The following MAML3 variants were observed in gnomAD, a reference collection of about 807,000 sequenced individuals.
The protein encoded by MAML3 is mastermind-like protein 3.
In MAML3, 27 loss-of-function variants were observed where a neutral mutation model predicts 101.9. The ratio of observed to expected loss-of-function variants is 0.27; its 90% confidence interval spans 0.20 to 0.37. MAML3 has a LOEUF of 0.37. Among genes scored for constraint, MAML3 ranks in the 10% least tolerant of loss-of-function variants. The pLI is 1.00. For missense variants in MAML3, 1,316 were observed against 1,444.9 expected (o/e 0.91, Z 1.45); for synonymous variants, 501 against 555.9 (o/e 0.90, Z 1.39).
rs184427011 is a variant in MAML3, at chr4:139,807,876, T to C, written c.2080-77209A>G. Reference sequence around the variant, plus strand: ...AGCCCATACATGATACACTCCAAATTTGATATATTTTCTTATCAAACAAAA... The same window carrying C: ...AGCCCATACATGATACACTCCAAATCTGATATATTTTCTTATCAAACAAAA... On this transcript the variant is annotated intron_variant, in intron 2 of 4. Coordinates refer to ENST00000509479, the MANE Select transcript of MAML3 (RefSeq NM_018717.5). Among the ~76,000 whole-genome samples, 6 of 152,288 alleles carry C rather than the reference T, an allele frequency of 3.9e-5. No individual in the cohort carries two copies. In the East Asian group the frequency reaches 1.2e-3, roughly 29 times the overall value.
intron 1 of MAML3, among the ~76,000 whole-genome samples, chr4:140,120,218 CAG>C (rs1317933098): frequency 3.3e-5 from 4 of 122,100 alleles, no homozygotes; most frequent in Non-Finnish European, 6.4e-5. Flanking sequence ...GCCTGGGCGA[CAG>C]AGCGAGACTC....
chr4:139,798,056 G>A (rs1459519609), intron 2 of MAML3, among the ~76,000 whole-genome samples: 33 of 134,326 alleles, frequency 2.5e-4, no homozygotes, highest in Non-Finnish European at 7.7e-5. Context: ...AAGAAAGAAA[G>A]AAAGAAAGAA....
intron 1 of MAML3, among the ~76,000 whole-genome samples, chr4:139,949,490 T>C (rs1733796495): frequency 6.6e-6 from 1 of 152,198 alleles, no homozygotes; most frequent in Admixed American, 6.5e-5. Flanking sequence ...CCACGTACAA[T>C]CTGTCACAAA....
intron 2 of MAML3, among the ~76,000 whole-genome samples, chr4:139,875,464 G>A (rs897729529): frequency 3.9e-5 from 6 of 152,126 alleles, no homozygotes; most frequent in Admixed American, 2.0e-4. Flanking sequence ...TCATGTTCAC[G>A]TGGAGCTAAG....
At chr4:139,834,043 C>T (rs188368952) in intron 2 of MAML3, among the ~76,000 whole-genome samples, 1 of 152,298 alleles carries the variant, frequency 6.6e-6, no homozygotes, top group East Asian at 1.9e-4. Flanking sequence ...GACATTAAAA[C>T]TTTATCCTAA....
chr4:139,905,751 C>T (rs1732813168), intron 1 of MAML3, among the ~76,000 whole-genome samples: 1 of 152,104 alleles, frequency 6.6e-6, no homozygotes, highest in African/African-American at 2.4e-5. Context: ...AACAGTCTTC[C>T]CTCTGTCAGC....
intron 2 of MAML3, among the ~76,000 whole-genome samples, chr4:139,855,135 T>C (rs1019929130): frequency 4.6e-5 from 7 of 152,216 alleles, no homozygotes; most frequent in African/African-American, 9.7e-5. Context: ...CTGCAGTTTC[T>C]AGGAGATTCA....
At chr4:140,045,025 T>C (rs184876672) in intron 1 of MAML3, among the ~76,000 whole-genome samples, 1 of 152,300 alleles carries the variant, frequency 6.6e-6, no homozygotes, top group East Asian at 1.9e-4. Flanking sequence ...CAAAATATCA[T>C]CACAGAGAGA....
At chr4:140,151,241 G>A (rs369344655) in intron 1 of MAML3, among the ~76,000 whole-genome samples, 16 of 152,076 alleles carry the variant, frequency 1.1e-4, no homozygotes, top group Admixed American at 3.9e-4. Context: ...AGAGGAGGAG[G>A]GAAGGTGCTG....
intron 1 of MAML3, among the ~76,000 whole-genome samples, chr4:140,127,277 GC>G (rs887242100): frequency 5.9e-5 from 9 of 152,180 alleles, no homozygotes; most frequent in Non-Finnish European, 1.2e-4. Context: ...CATCCATGGA[GC>G]CCTCAGGTTC....
intron 1 of MAML3, among the ~76,000 whole-genome samples, chr4:140,001,041 AAAAAG>A (rs903678028): frequency 9.9e-5 from 15 of 152,230 alleles, no homozygotes; most frequent in Non-Finnish European, 1.5e-4. Flanking sequence ...AAAAAAGAAA[AAAAAG>A]AAAAGAAAAG....
chr4:139,878,393 G>GT (rs1386752625), intron 2 of MAML3, among the ~76,000 whole-genome samples: 22 of 152,234 alleles, frequency 1.4e-4, no homozygotes, highest in African/African-American at 5.3e-4. Context: ...TCCCTGACCA[G>GT]ACTGCACATT....
At chr4:140,030,035 G>T (rs1726883260) in intron 1 of MAML3, among the ~76,000 whole-genome samples, 1 of 152,040 alleles carries the variant, frequency 6.6e-6, no homozygotes, top group Non-Finnish European at 1.5e-5. Context: ...AGGAAGAAAC[G>T]AAAAGGATGA....
At chr4:140,140,347 TTAAAA>T (rs1728960550) in intron 1 of MAML3, among the ~76,000 whole-genome samples, 1 of 151,994 alleles carries the variant, frequency 6.6e-6, no homozygotes, top group South Asian at 2.1e-4. Context: ...AAAATTAAAA[TTAAAA>T]TAAAAAAGAA....
chr4:139,795,560 A>G (rs182075907), intron 2 of MAML3, among the ~76,000 whole-genome samples: 1 of 152,280 alleles, frequency 6.6e-6, no homozygotes, highest in African/African-American at 2.4e-5. Flanking sequence ...GTGTTCTTTT[A>G]TGGGAGTGGA....
intron 2 of MAML3, among the ~76,000 whole-genome samples, chr4:139,757,541 TG>T (rs1729677365): frequency 6.8e-6 from 1 of 146,274 alleles, no homozygotes; most frequent in South Asian, 2.1e-4. Flanking sequence ...TCCCAGCTAC[TG>T]GGGAAGCTGA....
At chr4:139,778,870 C>T (rs1730142973) in intron 2 of MAML3, among the ~76,000 whole-genome samples, 1 of 151,660 alleles carries the variant, frequency 6.6e-6, no homozygotes, top group African/African-American at 2.4e-5. Flanking sequence ...GTAGTCCCAG[C>T]TACTTGGGAG....
At chr4:140,151,461 C>T (rs1341190516) in intron 1 of MAML3, among the ~76,000 whole-genome samples, 1 of 152,050 alleles carries the variant, frequency 6.6e-6, no homozygotes, top group Non-Finnish European at 1.5e-5. Context: ...AGCGCCGGCC[C>T]GAGCCCCCGG....
At chr4:139,830,096 A>G (rs1201154230) in intron 2 of MAML3, among the ~76,000 whole-genome samples, 2 of 152,200 alleles carry the variant, frequency 1.3e-5, no homozygotes, top group Non-Finnish European at 2.9e-5. Context: ...TGGAGGTTAT[A>G]TAGAGATAGA....
Sources: allele counts gnomAD v4.1 joint callset (sites outside exome capture counted in the v4.1 genomes callset), GRCh38; gene constraint gnomAD v4.1.1; transcripts MANE v1.5; gene names NCBI Gene and HGNC (gene_info 2026-07-23, HGNC 2026-07-21).